FARS2: variants seen among roughly 807,000 people sequenced by gnomAD.
FARS2 encodes phenylalanine--tRNA ligase, mitochondrial.
A neutral mutation model predicts 46.4 loss-of-function variants in FARS2; 40 were observed. The ratio of observed to expected loss-of-function variants is 0.86; its 90% CI spans 0.67 to 1.12. The LOEUF is 1.12. Ranked by LOEUF, FARS2 falls within the 50% of genes most tolerant of loss-of-function variation. The pLI is 0.00. For missense variants in FARS2, 513 were observed against 567.9 expected (o/e 0.90, Z 0.98); for synonymous variants, 234 against 214.9 (o/e 1.09, Z -0.78).
rs79197174 is a variant in FARS2, at chr6:5,431,673, C to T, written c.904+501C>T. 4.4e-4 allele frequency: 237 copies of T among 533,040 alleles called. 11 individuals carry two copies. In the East Asian group the frequency reaches 0.011, roughly 26 times the overall value. 33.0% of individuals were successfully genotyped at this position (533,040 alleles called of 1,614,324 possible). A position where few individuals can be genotyped will look rare whatever the true frequency, so the allele number is the denominator to read the frequency against. On this transcript the variant is annotated intron_variant, in intron 4 of 6. Coordinates refer to ENST00000274680, the MANE Select transcript of FARS2 (RefSeq NM_006567.5). ...CCATCACCTCCCTCTGCATAGGCGG[C>T]GCCACCTGACTGAGAGAAAATGGAA...
chr6:5,305,558 A>G (rs1768638129), intron 1 of FARS2, among the ~76,000 whole-genome samples: 1 of 152,092 alleles, frequency 6.6e-6, no homozygotes, highest in African/African-American at 2.4e-5. Flanking sequence ...TTATATAACC[A>G]CCCAAAACAT....
At chr6:5,317,997 C>T (rs151188420) in intron 1 of FARS2, among the ~76,000 whole-genome samples, 4 of 152,050 alleles carry the variant, frequency 2.6e-5, no homozygotes, top group East Asian at 3.9e-4. Context: ...CTTTTCACAC[C>T]GGTGCAGTTC....
chr6:5,716,601 G>T (rs1759507280), intron 6 of FARS2, among the ~76,000 whole-genome samples: 1 of 152,188 alleles, frequency 6.6e-6, no homozygotes. Context: ...GGGCCCACAG[G>T]TTGAGGGCTC....
In FARS2 at chr6:5,343,275, G is replaced by C. The variant is rs1332870499; in HGVS notation, c.-21-25275G>C. On this transcript the variant is annotated intron_variant, in intron 1 of 6. Coordinates refer to ENST00000274680, the MANE Select transcript of FARS2 (RefSeq NM_006567.5). This position sits in a 1 kb window ranked among gnomAD's most constrained non-coding sequence, Gnocchi z 4.5. Reference sequence around the variant, plus strand: ...TGCCCAGGCTGGAGTGCAGTGGCGCGATCTTGGCTCACTGCAACCTTCACC... The same window carrying C: ...TGCCCAGGCTGGAGTGCAGTGGCGCCATCTTGGCTCACTGCAACCTTCACC... Among the ~76,000 whole-genome samples the C allele has an allele frequency of 1.3e-5, 2 of 152,132 alleles. No homozygotes were observed. Among genetic ancestry groups the C allele is most frequent in the South Asian group, 2.1e-4 (1 of 4,826 alleles).
intron 3 of FARS2, among the ~76,000 whole-genome samples, chr6:5,428,589 T>C (rs1463424121): frequency 6.6e-6 from 1 of 152,230 alleles, no homozygotes; most frequent in African/African-American, 2.4e-5. Context: ...TTATTTTGTC[T>C]GTCAGTCCTT....
intron 4 of FARS2, among the ~76,000 whole-genome samples, chr6:5,455,524 C>G (rs1005609607): frequency 6.6e-6 from 1 of 152,148 alleles, no homozygotes; most frequent in Non-Finnish European, 1.5e-5. Context: ...TTTCATTGAC[C>G]TGAAATCAGC....
chr6:5,517,507 G>A (rs1156987925), intron 4 of FARS2, among the ~76,000 whole-genome samples: 1 of 151,992 alleles, frequency 6.6e-6, no homozygotes, highest in Non-Finnish European at 1.5e-5. Context: ...CAGCTACCGG[G>A]AGGCTGAGGC....
intron 4 of FARS2, among the ~76,000 whole-genome samples, chr6:5,468,746 C>T (rs1209178141): frequency 1.3e-5 from 2 of 152,136 alleles, no homozygotes; most frequent in African/African-American, 2.4e-5. Context: ...CACAAGAATG[C>T]GATGCTAGCA....
chr6:5,467,207 A>G (rs1216922462), intron 4 of FARS2: 22 of 468,382 alleles, frequency 4.7e-5, no homozygotes, highest in Non-Finnish European at 6.2e-5. Context: ...TTTATTTTTT[A>G]TTTTTATTTA....
intron 2 of FARS2, chr6:5,371,110 C>G (rs1217323234): frequency 6.6e-6 from 5 of 756,584 alleles, no homozygotes; most frequent in Non-Finnish European, 8.1e-6. Flanking sequence ...TGCTTTTTTT[C>G]ATGACACTCC....
intron 6 of FARS2, among the ~76,000 whole-genome samples, chr6:5,752,371 A>G (rs1208009175): frequency 6.6e-6 from 1 of 152,358 alleles, no homozygotes; most frequent in East Asian, 1.9e-4. Flanking sequence ...AATCACAAAG[A>G]AAATGTTCTC....
At chr6:5,302,185 C>T (rs545041103) in intron 1 of FARS2, among the ~76,000 whole-genome samples, 3 of 152,308 alleles carry the variant, frequency 2.0e-5, no homozygotes, top group Admixed American at 6.5e-5. Flanking sequence ...GAATCTCAGG[C>T]GCCATCCAAA....
At chr6:5,487,044 T>G (rs1454314591) in intron 4 of FARS2, among the ~76,000 whole-genome samples, 1 of 152,050 alleles carries the variant, frequency 6.6e-6, no homozygotes, top group Non-Finnish European at 1.5e-5. Context: ...GCTGCTCATG[T>G]CCAGGGGTAT....
At position 5,296,342 on chromosome 6, in the gene FARS2, T is replaced by C. The variant is rs528702552; in HGVS notation, c.-22+34682T>C. 4.8e-3 allele frequency among the ~76,000 whole-genome samples: 733 copies of C among 151,978 alleles called. 3 individuals are homozygous for C. Among genetic ancestry groups the C allele is most frequent in the Admixed American group, 7.6e-3 (116 of 15,268 alleles). On this transcript the variant is annotated intron_variant, in intron 1 of 6. Transcript: ENST00000274680. Reference sequence around the variant, plus strand: ...ATTTTTAGTAGAGATGGGGTTTCACTGTGTTAGCCAGGATGGTCTCGATCT... The same window carrying C: ...ATTTTTAGTAGAGATGGGGTTTCACCGTGTTAGCCAGGATGGTCTCGATCT...
chr6:5,363,756 C>T (rs1758467371), intron 1 of FARS2, among the ~76,000 whole-genome samples: 1 of 152,174 alleles, frequency 6.6e-6, no homozygotes, highest in South Asian at 2.1e-4. Flanking sequence ...CTTTACGTCC[C>T]CTCTGTCTTA....
chr6:5,623,381 T>C (rs1189358772), intron 6 of FARS2, among the ~76,000 whole-genome samples: 4 of 152,148 alleles, frequency 2.6e-5, no homozygotes, highest in Non-Finnish European at 5.9e-5. Flanking sequence ...AAATGATGCA[T>C]GTTATTCCTG....
chr6:5,565,175 C>T (rs2150547209), intron 5 of FARS2, among the ~76,000 whole-genome samples: 1 of 152,244 alleles, frequency 6.6e-6, no homozygotes, highest in South Asian at 2.1e-4. Context: ...AGGAGTATAC[C>T]TTACTCAATT....
chr6:5,663,813 C>G (rs1766143597), intron 6 of FARS2, among the ~76,000 whole-genome samples: 1 of 152,228 alleles, frequency 6.6e-6, no homozygotes, highest in Non-Finnish European at 1.5e-5. Flanking sequence ...CAGAGACAGA[C>G]ATGGAGGTGA....
At chr6:5,579,535 A>G (rs1169745462) in intron 5 of FARS2, among the ~76,000 whole-genome samples, 1 of 152,148 alleles carries the variant, frequency 6.6e-6, no homozygotes, top group Non-Finnish European at 1.5e-5. Flanking sequence ...CAGCCTCCCA[A>G]AGTGCTGGGA....
Sources: allele counts gnomAD v4.1 joint callset (sites outside exome capture counted in the v4.1 genomes callset), GRCh38; gene constraint gnomAD v4.1.1; non-coding constraint Gnocchi (gnomAD v3.1); transcripts MANE v1.5; gene names NCBI Gene and HGNC (gene_info 2026-07-23, HGNC 2026-07-21).